Variants in ZMPSTE24 observed in about 807,000 individuals in gnomAD.
ZMPSTE24 encodes zinc metallopeptidase STE24, also known as CAAX prenyl protease 1 homolog.
Under a neutral mutation model 56.7 loss-of-function variants are expected in ZMPSTE24, and 48 were observed. The ratio of observed to expected loss-of-function variants is 0.85; its 90% CI spans 0.67 to 1.08. The LOEUF (loss-of-function observed/expected upper bound fraction) is 1.08. Among genes scored for constraint, ZMPSTE24 ranks in the 50% least tolerant of loss-of-function variants. The pLI is 0.00. For missense variants in ZMPSTE24, 503 were observed against 548.7 expected, an observed-to-expected ratio of 0.92 and a Z score of 0.83; for synonymous variants, 172 against 195.2, an observed-to-expected ratio of 0.88 and a Z score of 0.99.
chr1:40,292,393 G>C, intron 9 of ZMPSTE24, 52 bp from the exon 10 acceptor site: 1 of 1,562,384 alleles, frequency 6.4e-7, no homozygotes, highest in Admixed American at 1.7e-5. Context: ...GGAACCTTTA[G>C]TAACAACAAA....
At position 40,286,032 on chromosome 1, in the gene ZMPSTE24, A is replaced by G. The variant is rs183362017; in HGVS notation, c.1059+3A>G. ...TCAAAAATATCATTATTAGCCAGGTAAGTGTGGAGTGACAATTCTTTTTTT... is the reference window on the plus strand; with the variant it reads ...TCAAAAATATCATTATTAGCCAGGTGAGTGTGGAGTGACAATTCTTTTTTT... On this transcript the variant is annotated splice_donor_region_variant and intron_variant, in intron 8 of 9. Coordinates refer to ENST00000372759, the MANE Select transcript of ZMPSTE24 (RefSeq NM_005857.5). 259 of 1,610,352 alleles carry G rather than the reference A, an allele frequency of 1.6e-4. No individual in the cohort carries two copies. The highest frequency in any genetic ancestry group is 5.2e-4 in the Admixed American group (31 of 60,002).
At chr1:40,269,952 G>T (rs755183820) in intron 4 of ZMPSTE24, 23 bp from the exon 5 acceptor site, 1 of 1,596,734 alleles carries the variant, frequency 6.3e-7, no homozygotes. Flanking sequence ...TCAGTTTCTT[G>T]TGGTAATGTT....
At chr1:40,258,956 G>A (rs1643468106) in intron 1 of ZMPSTE24, among the ~76,000 whole-genome samples, 1 of 152,036 alleles carries the variant, frequency 6.6e-6, no homozygotes, top group Non-Finnish European at 1.5e-5. Flanking sequence ...TCAGGAGTTC[G>A]AGACCAGCCT....
At chr1:40,273,728 G>A (rs1643640331) in intron 6 of ZMPSTE24, among the ~76,000 whole-genome samples, 1 of 148,708 alleles carries the variant, frequency 6.7e-6, no homozygotes, top group South Asian at 2.1e-4. Context: ...TATTAAACTA[G>A]AAATTTAATC....
At chr1:40,264,080 C>T (rs1269544297) in intron 2 of ZMPSTE24, among the ~76,000 whole-genome samples, 1 of 152,086 alleles carries the variant, frequency 6.6e-6, no homozygotes, top group Non-Finnish European at 1.5e-5. Context: ...GCCTGTATTC[C>T]CAGCACTTTG....
rs949272639 is a variant in ZMPSTE24, at chr1:40,294,175, A to G, written c.*1506A>G. 2 of 152,664 alleles carry G rather than the reference A, an allele frequency of 1.3e-5. No individual in the cohort carries two copies. The highest frequency in any genetic ancestry group is 2.9e-5 in the Non-Finnish European group (2 of 68,050). The allele number at this position is 152,664 out of a possible 1,614,324, so 9.5% of individuals were successfully genotyped here. A position where few individuals can be genotyped will look rare whatever the true frequency, so the allele number is the denominator to read the frequency against. On this transcript the variant is annotated 3_prime_UTR_variant, in exon 10 of 10. Coordinates refer to ENST00000372759, the MANE Select transcript of ZMPSTE24 (RefSeq NM_005857.5). ...TGAAACATTAAACATTGCCAACGCAAATGTATGTACTTTGTCTTTAGTTTG... is the reference window on the plus strand; with the variant it reads ...TGAAACATTAAACATTGCCAACGCAGATGTATGTACTTTGTCTTTAGTTTG...
intron 2 of ZMPSTE24, 37 bp downstream of exon 2, chr1:40,261,022 G>T: frequency 6.2e-7 from 1 of 1,612,854 alleles, no homozygotes; most frequent in South Asian, 1.1e-5. Context: ...AGTCTGTCTG[G>T]TTGTTTTCAT....
intron 1 of ZMPSTE24, among the ~76,000 whole-genome samples, chr1:40,260,295 A>C (rs1236540135): frequency 6.6e-6 from 1 of 151,988 alleles, no homozygotes; most frequent in Non-Finnish European, 1.5e-5. Context: ...TCCTGGGCTC[A>C]AGGAATCCTT....
chr1:40,280,136 A>G (rs1643712785), intron 6 of ZMPSTE24, among the ~76,000 whole-genome samples: 1 of 151,780 alleles, frequency 6.6e-6, no homozygotes, highest in South Asian at 2.1e-4. Flanking sequence ...TCAAATGCCA[A>G]ACGACCGTAG....
At chr1:40,265,198 CTTTACTAAAAGCATTAT>C (rs1643537381) in intron 2 of ZMPSTE24, among the ~76,000 whole-genome samples, 2 of 152,074 alleles carry the variant, frequency 1.3e-5, no homozygotes, top group South Asian at 4.1e-4. Context: ...TTGCTGTGGC[CTTTACTAAAAGCATTAT>C]AAGTCCTTAA....
chr1:40,270,899 G>A (rs572731649), intron 5 of ZMPSTE24, among the ~76,000 whole-genome samples: 12 of 152,276 alleles, frequency 7.9e-5, no homozygotes, highest in African/African-American at 2.9e-4. Context: ...TGGGAGGATT[G>A]CTTAAGCCCA....
intron 6 of ZMPSTE24, among the ~76,000 whole-genome samples, chr1:40,274,925 A>C (rs1643653189): frequency 6.6e-6 from 1 of 151,442 alleles, no homozygotes; most frequent in Admixed American, 6.6e-5. Context: ...ATCAAAGATA[A>C]TGGCCTAGAC....
intron 6 of ZMPSTE24, among the ~76,000 whole-genome samples, chr1:40,276,016 T>G (rs1643667624): frequency 6.6e-6 from 1 of 152,148 alleles, no homozygotes; most frequent in South Asian, 2.1e-4. Context: ...GCACATCTGA[T>G]TGACTAAGCC....
chr1:40,268,378 T>C, intron 3 of ZMPSTE24, 41 bp from the exon 4 acceptor site: 1 of 1,304,356 alleles, frequency 7.7e-7, no homozygotes, highest in African/African-American at 1.4e-5. Flanking sequence ...TGTTTGCCAG[T>C]AGTTCATAAA....
intron 8 of ZMPSTE24, among the ~76,000 whole-genome samples, chr1:40,287,496 G>A (rs1643799373): frequency 6.6e-6 from 1 of 151,692 alleles, no homozygotes; most frequent in Non-Finnish European, 1.5e-5. Flanking sequence ...GGCCAACATG[G>A]TGAAGCCCTA....
intron 5 of ZMPSTE24, 110 bp downstream of exon 5, chr1:40,270,237 G>T (rs1569630615): frequency 1.6e-6 from 2 of 1,242,742 alleles, no homozygotes; most frequent in African/African-American, 1.5e-5. Context: ...ATATAAATAG[G>T]TGCTTATATA....
At chr1:40,288,696 T>G (rs898502953) in intron 8 of ZMPSTE24, among the ~76,000 whole-genome samples, 56 of 152,228 alleles carry the variant, frequency 3.7e-4, no homozygotes, top group Non-Finnish European at 1.9e-4. Flanking sequence ...TGGGACTCTT[T>G]GGGTGAACAT....
At chr1:40,290,246 A>G (rs752682707) in intron 8 of ZMPSTE24, among the ~76,000 whole-genome samples, 1 of 150,706 alleles carries the variant, frequency 6.6e-6, no homozygotes, top group Non-Finnish European at 1.5e-5. Flanking sequence ...TTAGCCGGGC[A>G]TGGTGGGGGG....
intron 6 of ZMPSTE24, among the ~76,000 whole-genome samples, chr1:40,272,414 G>T (rs1643622773): frequency 6.6e-6 from 1 of 152,182 alleles, no homozygotes. Context: ...CTCTTGAATA[G>T]TCAAATTCTG....
Sources: gnomAD v4.1 joint callset for allele counts (sites outside exome capture counted in the v4.1 genomes callset) on GRCh38, gnomAD v4.1.1 for gene constraint, MANE v1.5 for transcripts, NCBI Gene and HGNC (gene_info 2026-07-23, HGNC 2026-07-21) for gene names.